The following MAOA variants were observed in gnomAD, a reference collection of about 807,000 sequenced individuals.
The protein encoded by MAOA is amine oxidase [flavin-containing] A.
A neutral mutation model predicts 42.0 loss-of-function variants in MAOA; 6 were observed. The observed-to-expected ratio is 0.14, with a 90% confidence interval of 0.08 to 0.28. MAOA has a LOEUF of 0.28. Ranked by LOEUF, MAOA falls within the 10% of genes least tolerant of loss-of-function variation. The pLI is 1.00. For synonymous variants in MAOA, 140 were observed against 154.0 expected (o/e 0.91, Z 0.67); for missense variants, 262 against 422.3 (o/e 0.62, Z 3.33).
At chrX:43,671,127 T>G (rs1417677508) in intron 1 of MAOA, among the ~76,000 whole-genome samples, 1 of 97,108 alleles carries the variant, frequency 1.0e-5, no homozygotes, top group Non-Finnish European at 2.1e-5. Flanking sequence ...TTTTAATGAT[T>G]GCCATTCTAA....
intron 2 of MAOA, among the ~76,000 whole-genome samples, chrX:43,691,630 C>G (rs928011033): frequency 9.0e-6 from 1 of 110,933 alleles, no homozygotes; most frequent in Non-Finnish European, 1.9e-5. Context: ...AAAAAATCAC[C>G]AAGCCTAGCT....
chrX:43,693,476 T>G, intron 3 of MAOA, 48 bp downstream of exon 3: 1 of 1,173,800 alleles, frequency 8.5e-7, no homozygotes, highest in Non-Finnish European at 1.2e-6. Context: ...GCATTTTATT[T>G]GAGAAAACAT....
rs113809584 is a variant in MAOA, at chrX:43,717,284, A to T, written c.503+4488A>T. Among the ~76,000 whole-genome samples the T allele has an allele frequency of 1.0e-2, 1,114 of 111,452 alleles. 21 individuals carry two copies. The highest frequency in any genetic ancestry group is 0.035 in the African/African-American group (1,080 of 30,582). On this transcript the variant is annotated intron_variant, in intron 5 of 14. Transcript: ENST00000338702. ...CAGAGGAATAGTAGGGAAATAGGAC[A>T]GTTGCATGGCATGTCAGGATGGTAT... is the stretch of plus-strand genomic sequence containing the variant.
At chrX:43,669,817 C>T (rs1424263073) in intron 1 of MAOA, among the ~76,000 whole-genome samples, 1 of 111,752 alleles carries the variant, frequency 8.9e-6, no homozygotes, top group Non-Finnish European at 1.9e-5. Flanking sequence ...ATCTGGAACA[C>T]AATGAACTTG....
intron 1 of MAOA, among the ~76,000 whole-genome samples, chrX:43,677,819 T>C (rs1331225988): frequency 9.0e-6 from 1 of 111,649 alleles, no homozygotes; most frequent in East Asian, 2.8e-4. Context: ...CTCAGGAGTC[T>C]TGGGCTCTTT....
Position 43,746,311 on chromosome X carries a change from A to T in MAOA, c.*1798A>T, listed in dbSNP as rs1316639737. The T allele has an allele frequency of 6.2e-5, 7 of 112,407 alleles. No homozygotes were observed. In the Admixed American group the frequency reaches 6.6e-4, roughly 11 times the overall value. The allele number at this position is 112,407 out of a possible 1,213,427, so 9.3% of individuals were successfully genotyped here. A position where few individuals can be genotyped will look rare whatever the true frequency, so the allele number is the denominator to read the frequency against. ...TTTGGAAAACGATTTAATTTATTCTAATTAGATTAACCCTATTAATCTATG... is the reference window on the plus strand; with the variant it reads ...TTTGGAAAACGATTTAATTTATTCTTATTAGATTAACCCTATTAATCTATG... On this transcript the variant is annotated 3_prime_UTR_variant, in exon 15 of 15. Transcript: ENST00000338702.
chrX:43,707,131 A>G (rs2033664680), intron 3 of MAOA, among the ~76,000 whole-genome samples: 1 of 111,502 alleles, frequency 9.0e-6, no homozygotes, highest in Non-Finnish European at 1.9e-5. Context: ...TGAGTTCCCC[A>G]GGGAAATGGG....
In MAOA at chrX:43,744,904, G is replaced by A; in HGVS notation, c.*391G>A. ...ACTTTCTGTCTGTGGAGGTGGAGTA[G>A]GTGAAGGCCCAGCCTGTAACTGTCC... On this transcript the variant is annotated 3_prime_UTR_variant, in exon 15 of 15. Coordinates refer to ENST00000338702, the MANE Select transcript of MAOA (RefSeq NM_000240.4). 4.2e-6 allele frequency: 1 copy of A among 238,257 alleles called. No individual in the cohort carries two copies. Among genetic ancestry groups the A allele is most frequent in the South Asian group, 5.2e-5 (1 of 19,335 alleles). 19.6% of individuals were successfully genotyped at this position (238,257 alleles called of 1,213,427 possible).
intron 2 of MAOA, among the ~76,000 whole-genome samples, chrX:43,691,554 A>C (rs2033532977): frequency 8.9e-6 from 1 of 111,749 alleles, no homozygotes; most frequent in African/African-American, 3.3e-5. Context: ...TTAGTCTGGA[A>C]ATAGAAAAGA....
chrX:43,718,876 G>A (rs1422175414), intron 5 of MAOA, among the ~76,000 whole-genome samples: 1 of 110,958 alleles, frequency 9.0e-6, no homozygotes, highest in African/African-American at 3.3e-5. Context: ...GGGAGTGGTG[G>A]GGGAGATAAC....
At chrX:43,725,283 C>T (rs2033822789) in intron 5 of MAOA, among the ~76,000 whole-genome samples, 1 of 111,267 alleles carries the variant, frequency 9.0e-6, no homozygotes, top group Admixed American at 9.5e-5. Context: ...AAGTCTCCCA[C>T]CGTTATTGTG....
chrX:43,744,194 C>G (rs2033982119), intron 14 of MAOA, 23 bp downstream of exon 14: 3 of 1,179,779 alleles, frequency 2.5e-6, no homozygotes, highest in Non-Finnish European at 3.5e-6. Context: ...ACTCTGGGCA[C>G]TATCTCTCCT....
chrX:43,734,656 C>T (rs2033907379), intron 9 of MAOA, among the ~76,000 whole-genome samples: 1 of 111,948 alleles, frequency 8.9e-6, no homozygotes, highest in South Asian at 3.7e-4. Context: ...CTAGAAAGGA[C>T]CTTGTACTTT....
At position 43,675,270 on chromosome X, in the gene MAOA, G is replaced by A. The variant is rs756063545; in HGVS notation, c.74-8243G>A. Among the ~76,000 whole-genome samples the A allele has an allele frequency of 2.8e-3, 317 of 111,297 alleles. 3 individuals are homozygous for A. The highest frequency in any genetic ancestry group is 9.6e-3 in the African/African-American group (293 of 30,571). On this transcript the variant is annotated intron_variant, in intron 1 of 14. Transcript: ENST00000338702. ...CTTCTGCATTCTTCACGTAGTTCTC[G>A]AGCCTTGGCTTTCAGCTCCATCAGC... is the stretch of plus-strand genomic sequence containing the variant.
intron 1 of MAOA, among the ~76,000 whole-genome samples, chrX:43,667,087 T>G (rs1203414957): frequency 1.1e-4 from 12 of 109,860 alleles, no homozygotes; most frequent in African/African-American, 3.7e-4. Flanking sequence ...CATGTATACA[T>G]ATGTAACAAA....
intron 8 of MAOA, among the ~76,000 whole-genome samples, chrX:43,732,417 G>A (rs1004859785): frequency 1.8e-5 from 2 of 110,931 alleles, no homozygotes; most frequent in African/African-American, 6.6e-5. Flanking sequence ...CTTTCCTCAT[G>A]TATGCTAGGA....
intron 11 of MAOA, among the ~76,000 whole-genome samples, chrX:43,741,513 C>T (rs2033960484): frequency 9.0e-6 from 1 of 111,632 alleles, no homozygotes; most frequent in Admixed American, 9.5e-5. Flanking sequence ...ATTTGTTTGT[C>T]TTCTGCCTCC....
chrX:43,735,140 TAAC>T (rs2033910516), intron 9 of MAOA, among the ~76,000 whole-genome samples: 1 of 112,190 alleles, frequency 8.9e-6, no homozygotes, highest in African/African-American at 3.2e-5. Context: ...TGATCTCAAA[TAAC>T]AGCCCTAAAG....
At chrX:43,677,031 C>T (rs921791721) in intron 1 of MAOA, among the ~76,000 whole-genome samples, 3 of 110,988 alleles carry the variant, frequency 2.7e-5, no homozygotes, top group Non-Finnish European at 5.7e-5. Context: ...TGGCATGAGT[C>T]TAATTGAGGA....
Sources: allele counts gnomAD v4.1 joint callset (sites outside exome capture counted in the v4.1 genomes callset), GRCh38; gene constraint gnomAD v4.1.1; transcripts MANE v1.5; gene names NCBI Gene and HGNC (gene_info 2026-07-23, HGNC 2026-07-21).